The following LRRIQ1 variants were observed in gnomAD, a reference collection of about 807,000 sequenced individuals.
LRRIQ1 encodes leucine-rich repeat- and IQ domain-containing protein 1.
In LRRIQ1, 210 loss-of-function variants were observed where a neutral mutation model predicts 211.9. That is an observed-to-expected ratio of 0.99 (90% CI 0.89 to 1.11). The LOEUF is 1.11. Among genes scored for constraint, LRRIQ1 ranks in the 50% most tolerant of loss-of-function variants. The pLI, the probability that LRRIQ1 is intolerant of heterozygous loss-of-function variation, is 0.00. For synonymous variants in LRRIQ1, 699 were observed against 650.1 expected, an observed-to-expected ratio of 1.08 and a Z score of -1.14; for missense variants, 2,136 against 1,939.5, an observed-to-expected ratio of 1.10 and a Z score of -1.90.
intron 13 of LRRIQ1, among the ~76,000 whole-genome samples, chr12:85,102,397 C>T (rs1037656755): frequency 6.6e-6 from 1 of 151,608 alleles, no homozygotes; most frequent in Admixed American, 6.6e-5. Flanking sequence ...AATACATTCT[C>T]ACTTTTATTA....
rs539688376 is a variant in LRRIQ1 at position 85,111,945 on chromosome 12, TACACAC to T, written c.3377+5349_3377+5354del. ...TGGTATTAGACATTTTATATATATATACACACACACACACACACACACACTCTCTCT... is the reference window on the plus strand; with the variant it reads ...TGGTATTAGACATTTTATATATATATACACACACACACACACACTCTCTCT... On this transcript the variant is annotated intron_variant, in intron 15 of 26. Coordinates refer to ENST00000393217, the MANE Select transcript of LRRIQ1 (RefSeq NM_001079910.2). Among the ~76,000 whole-genome samples, 4 of 148,172 alleles carry T rather than the reference TACACAC, an allele frequency of 2.7e-5. No individual in the cohort carries two copies. The South Asian group carries it at 6.4e-4, about 24-fold the overall frequency.
intron 11 of LRRIQ1, among the ~76,000 whole-genome samples, chr12:85,075,263 A>G (rs1397112355): frequency 2.6e-5 from 4 of 152,082 alleles, no homozygotes; most frequent in Non-Finnish European, 4.4e-5. Flanking sequence ...ACTGGGCAAC[A>G]TAGTGGGGCC....
At position 85,040,517 on chromosome 12, in the gene LRRIQ1, C is replaced by A. The variant is rs1464524198; in HGVS notation, c.160C>A (p.Leu54Ile). The A allele has an allele frequency of 7.0e-6, 11 of 1,569,254 alleles. No individual in the cohort carries two copies. Among genetic ancestry groups the A allele is most frequent in the Non-Finnish European group, 8.6e-6 (10 of 1,156,514 alleles). Residue 54 changes from leucine (L) to isoleucine (I), a missense_variant, in exon 3 of 27, where the codon CTT (leucine) becomes ATT (isoleucine). Physicochemically the swap from Leu to Ile is conservative, Grantham distance 5. Transcript: ENST00000393217. ...TTCAGTTGAATTACCAGAATCAGTTCTTCACTGTATTAACATCATAAAGAA... is the reference window on the plus strand; with the variant it reads ...TTCAGTTGAATTACCAGAATCAGTTATTCACTGTATTAACATCATAAAGAA... ...TDSVELPESV[L>I]HCINIIKNRS...
chr12:85,092,581 T>G (rs936713347), intron 11 of LRRIQ1, among the ~76,000 whole-genome samples: 5 of 152,172 alleles, frequency 3.3e-5, no homozygotes, highest in Non-Finnish European at 7.4e-5. Context: ...AGATTTCCAC[T>G]TAAATCACGA....
chr12:85,063,890 G>C (rs947980092), intron 8 of LRRIQ1, among the ~76,000 whole-genome samples: 1 of 151,706 alleles, frequency 6.6e-6, no homozygotes, highest in African/African-American at 2.4e-5. Flanking sequence ...TGGCTGAATA[G>C]TGCTCCATGG....
rs532940608 is a variant in LRRIQ1, at chr12:85,038,114, T to C, written c.-24-39T>C. On this transcript the variant is annotated intron_variant, in intron 1 of 26. Coordinates refer to ENST00000393217, the MANE Select transcript of LRRIQ1 (RefSeq NM_001079910.2). ...GTATGACAAATTAGAGAACACATAATTTTTAGTGACATATTAGCCTCTTCA... is the reference window on the plus strand; with the variant it reads ...GTATGACAAATTAGAGAACACATAACTTTTAGTGACATATTAGCCTCTTCA... The C allele has an allele frequency of 8.5e-6, 11 of 1,301,438 alleles. No homozygotes were observed. In the East Asian group the frequency reaches 2.8e-4, roughly 33 times the overall value. 80.6% of individuals were successfully genotyped at this position (1,301,438 alleles called of 1,614,324 possible). A position where few individuals can be genotyped will look rare whatever the true frequency, so the allele number is the denominator to read the frequency against.
Position 85,127,816 on chromosome 12 carries a change from TTTCTC to T in LRRIQ1, c.4008-15_4008-11del. 6.2e-7 allele frequency: 1 copy of T among 1,602,072 alleles called. No homozygotes were observed. The highest frequency in any genetic ancestry group is 8.5e-7 in the Non-Finnish European group (1 of 1,175,808). On this transcript the variant is annotated splice_polypyrimidine_tract_variant and intron_variant, in intron 17 of 26. Transcript: ENST00000393217. ...ATAATAAAAAAAGTGTGTGTTTTTT[TTTCTC>T]CTCTTAATAGTATGGCAGCTGTGGT...
At chr12:85,199,120 GC>G (rs1427154187) in intron 24 of LRRIQ1, among the ~76,000 whole-genome samples, 1 of 151,878 alleles carries the variant, frequency 6.6e-6, no homozygotes, top group Non-Finnish European at 1.5e-5. Context: ...GTTTAATTAG[GC>G]CCCATTTATT....
intron 11 of LRRIQ1, among the ~76,000 whole-genome samples, chr12:85,079,498 C>T (rs1341241071): frequency 6.6e-6 from 1 of 151,844 alleles, no homozygotes; most frequent in African/African-American, 2.4e-5. Context: ...GCTGGGATTA[C>T]AGGTGTAAGA....
intron 1 of LRRIQ1, among the ~76,000 whole-genome samples, chr12:85,260,146 A>AG (rs1402903806): frequency 6.6e-6 from 1 of 150,676 alleles, no homozygotes; most frequent in Admixed American, 6.6e-5. Context: ...AAAAAAAAAA[A>AG]AAAAGCTTAT....
intron 11 of LRRIQ1, among the ~76,000 whole-genome samples, chr12:85,097,055 A>G (rs1885940848): frequency 6.6e-6 from 1 of 152,182 alleles, no homozygotes; most frequent in Non-Finnish European, 1.5e-5. Flanking sequence ...GTTTTGTTAA[A>G]TGTGAGGTAG....
chr12:85,090,234 G>A (rs186520595), intron 11 of LRRIQ1, among the ~76,000 whole-genome samples: 1 of 152,296 alleles, frequency 6.6e-6, no homozygotes, highest in Admixed American at 6.5e-5. Flanking sequence ...AACCCTGGGG[G>A]TCCAGGCAAG....
At position 85,073,032 on chromosome 12, in the gene LRRIQ1, A is replaced by T. The variant is rs1476842482; in HGVS notation, c.2821A>T (p.Ile941Leu). Residue 941 changes from isoleucine to leucine, a missense_variant, in exon 11 of 27, where the codon ATA becomes TTA. By Grantham distance (5) the Ile-to-Leu change is conservative. Transcript: ENST00000393217. ...TCCAACTGGATTATGTTGGTCCTGG[A>T]TACCTATTACCTCACTTACAAAAAA... Reference protein sequence around the residue: ...WIPTGLCWSWIPITSLTKNSD... With the variant: ...WIPTGLCWSWLPITSLTKNSD... 1.2e-6 allele frequency: 2 copies of T among 1,612,270 alleles called. No homozygotes were observed. Among genetic ancestry groups the T allele is most frequent in the Non-Finnish European group, 1.7e-6 (2 of 1,178,996 alleles).
chr12:85,210,171 G>C (rs542892847), intron 24 of LRRIQ1, among the ~76,000 whole-genome samples: 6 of 152,070 alleles, frequency 3.9e-5, no homozygotes, highest in African/African-American at 1.4e-4. Context: ...AAATGACAAA[G>C]CACAATAAAC....
chr12:85,118,825 G>A lies in LRRIQ1; in HGVS notation c.3378-2872G>A, dbSNP rs1038037717. Among the ~76,000 whole-genome samples the A allele has an allele frequency of 3.9e-5, 6 of 152,084 alleles. No homozygotes were observed. In the South Asian group the frequency reaches 1.2e-3, roughly 32 times the overall value. ...CTCGCTTTGTCATTCTTCATTTAGT[G>A]TTTAGGAATTGTTACTTTCTTTTTT... On this transcript the variant is annotated intron_variant, in intron 15 of 26. Transcript: ENST00000393217.
intron 23 of LRRIQ1, among the ~76,000 whole-genome samples, chr12:85,156,246 A>C (rs563686329): frequency 8.6e-5 from 13 of 151,896 alleles, no homozygotes; most frequent in African/African-American, 2.6e-4. Flanking sequence ...TTTTATGTTT[A>C]AAACATGAAC....
intron 24 of LRRIQ1, among the ~76,000 whole-genome samples, chr12:85,161,551 A>G (rs1890877161): frequency 1.3e-5 from 2 of 152,146 alleles, no homozygotes; most frequent in African/African-American, 4.8e-5. Context: ...TTTGTCTTCT[A>G]TAAGATTTAA....
chr12:85,091,996 C>G (rs925660402), intron 11 of LRRIQ1, among the ~76,000 whole-genome samples: 1 of 152,142 alleles, frequency 6.6e-6, no homozygotes, highest in Non-Finnish European at 1.5e-5. Flanking sequence ...TGAGCTCCAC[C>G]ACCTGTCAGT....
At chr12:85,070,280 A>G (rs1882945945) in intron 10 of LRRIQ1, among the ~76,000 whole-genome samples, 1 of 151,940 alleles carries the variant, frequency 6.6e-6, no homozygotes, top group Non-Finnish European at 1.5e-5. Context: ...GTAGCTGATG[A>G]TAGCCTAAAC....
Sources: allele counts gnomAD v4.1 joint callset (sites outside exome capture counted in the v4.1 genomes callset), GRCh38; gene constraint gnomAD v4.1.1; transcripts MANE v1.5; gene names NCBI Gene and HGNC (gene_info 2026-07-23, HGNC 2026-07-21).